WDR27: variants seen among roughly 807,000 people sequenced by gnomAD.
The protein encoded by WDR27 is WD repeat domain 27.
WDR27 carries 100 observed loss-of-function variants against 114.4 expected under a neutral mutation model. The observed-to-expected ratio is 0.87, with a 90% CI of 0.74 to 1.03. The LOEUF (loss-of-function observed/expected upper bound fraction) is 1.03. Ranked by LOEUF, WDR27 falls within the 50% of genes least tolerant of loss-of-function variation. WDR27 has a pLI of 0.00. For synonymous variants in WDR27, 449 were observed against 423.1 expected (o/e 1.06, Z -0.75); for missense variants, 1,129 against 1,092.9 (o/e 1.03, Z -0.47).
chr6:169,635,965 G>T (rs1817580624), intron 19 of WDR27, among the ~76,000 whole-genome samples: 1 of 152,168 alleles, frequency 6.6e-6, no homozygotes, highest in African/African-American at 2.4e-5. Context: ...AACAAAGATA[G>T]TGAAATGTTA....
intron 22 of WDR27, among the ~76,000 whole-genome samples, chr6:169,610,816 T>A (rs1214617888): frequency 6.6e-6 from 1 of 152,168 alleles, no homozygotes; most frequent in Non-Finnish European, 1.5e-5. Context: ...TACCTTATAT[T>A]CTTACTTGTA....
At chr6:169,526,185 T>C (rs891264509) in intron 25 of WDR27, among the ~76,000 whole-genome samples, 1 of 152,088 alleles carries the variant, frequency 6.6e-6, no homozygotes, top group Non-Finnish European at 1.5e-5. Context: ...GTGGCTATAG[T>C]TTACAATAAT....
intron 25 of WDR27, among the ~76,000 whole-genome samples, chr6:169,543,605 G>T (rs1433851703): frequency 3.3e-5 from 5 of 152,012 alleles, no homozygotes; most frequent in African/African-American, 1.2e-4. Flanking sequence ...TGAGATGAAT[G>T]GCATGATTTT....
At chr6:169,623,831 A>G (rs147834735) in intron 21 of WDR27, among the ~76,000 whole-genome samples, 10 of 152,308 alleles carry the variant, frequency 6.6e-5, no homozygotes, top group Admixed American at 1.3e-4. Context: ...ACGGCTACTC[A>G]GTGCCAGCCT....
chr6:169,511,167 T>C (rs556336695), intron 25 of WDR27, among the ~76,000 whole-genome samples: 1 of 152,300 alleles, frequency 6.6e-6, no homozygotes, highest in Admixed American at 6.5e-5. Context: ...CATTTCAAAA[T>C]CCATTTAGCT....
the WDR27 span, among the ~76,000 whole-genome samples, chr6:169,450,594 A>T: frequency 3.1e-4 from 47 of 152,300 alleles, no homozygotes; most frequent in East Asian, 9.1e-3. Context: ...CCCCAGGATG[A>T]CAGAGCTCAC....
intron 25 of WDR27, among the ~76,000 whole-genome samples, chr6:169,461,097 C>A (rs921698225): frequency 6.6e-6 from 1 of 151,786 alleles, no homozygotes; most frequent in Non-Finnish European, 1.5e-5. Flanking sequence ...CATTTACATA[C>A]CTAATAACAG....
chr6:169,615,806 C>T (rs1462379459), intron 21 of WDR27, among the ~76,000 whole-genome samples: 1 of 152,170 alleles, frequency 6.6e-6, no homozygotes, highest in African/African-American at 2.4e-5. Flanking sequence ...TTTAGAGCTT[C>T]TGCACAGCAA....
At chr6:169,522,820 G>C (rs966317828) in intron 25 of WDR27, among the ~76,000 whole-genome samples, 1 of 151,652 alleles carries the variant, frequency 6.6e-6, no homozygotes, top group African/African-American at 2.4e-5. Flanking sequence ...AGTACTAAGA[G>C]GGAAGTTTAT....
intron 23 of WDR27, among the ~76,000 whole-genome samples, chr6:169,597,879 C>CACACACAT (rs1364452271): frequency 1.8e-4 from 3 of 16,900 alleles, no homozygotes; most frequent in Non-Finnish European, 4.8e-4. Flanking sequence ...ACCATTCATA[C>CACACACAT]ACACACACAC....
chr6:169,692,035 G>GT (rs1784629472), intron 1 of WDR27, among the ~76,000 whole-genome samples: 1 of 151,698 alleles, frequency 6.6e-6, no homozygotes, highest in African/African-American at 2.4e-5. Context: ...GCAAAAAACT[G>GT]TGAGTTCCCA....
Position 169,668,108 on chromosome 6 carries a change from G to A in WDR27, c.534C>T (p.His178=), listed in dbSNP as rs778780785. ...RHKVPPPTFL[H]TFSQTQAVRA... is the part of the protein sequence containing the mutation. The stretch of plus-strand genomic sequence containing the variant: ...GAACAGCCTGAGTCTGAGAGAATGT[G>A]TGCAGGAAGGTCGGTGGTGGGACTT... Residue 178 remains histidine, a synonymous_variant, in exon 5 of 26, where the codon CAC becomes CAT. Coordinates refer to ENST00000448612, the MANE Select transcript of WDR27 (RefSeq NM_182552.5). The A allele has an allele frequency of 1.9e-6, 3 of 1,613,934 alleles. No individual in the cohort carries two copies. Among genetic ancestry groups the A allele is most frequent in the African/African-American group, 1.3e-5 (1 of 74,946 alleles).
In WDR27 at chr6:169,636,382, A is replaced by G. The variant is rs1817664000; in HGVS notation, c.1992T>C (p.Asp664=). The G allele has an allele frequency of 6.2e-7, 1 of 1,613,570 alleles. No individual in the cohort carries two copies. Among genetic ancestry groups the G allele is most frequent in the Admixed American group, 1.7e-5 (1 of 59,972 alleles). Residue 664 remains aspartate, a synonymous_variant, in exon 19 of 26, where the codon GAT becomes GAC. Transcript: ENST00000448612. ...LLRYHIDTCK[D]EIKRYKQKSK... ...CGGGGGGTGCCTACCTCTTAATCTC[A>G]TCTTTGCAAGTGTCAATGTGATACC...
intron 25 of WDR27, among the ~76,000 whole-genome samples, chr6:169,509,045 TA>T (rs1792392313): frequency 1.3e-5 from 2 of 152,104 alleles, no homozygotes; most frequent in African/African-American, 4.8e-5. Flanking sequence ...TCAATGAGAA[TA>T]AAATACCTAG....
the WDR27 span, among the ~76,000 whole-genome samples, chr6:169,450,254 G>A: frequency 6.6e-6 from 1 of 152,254 alleles, no homozygotes; most frequent in Admixed American, 6.5e-5. Context: ...CTGGAGAGAG[G>A]AGGCTGCAGC....
the WDR27 span, chr6:169,427,217 C>T: frequency 6.6e-6 from 1 of 152,598 alleles, no homozygotes; most frequent in Admixed American, 6.5e-5. Context: ...CGCTGCAGCA[C>T]TCTCTGGGAG....
Position 169,602,410 on chromosome 6 carries a change from C to T in WDR27, c.2322-89G>A. The T allele has an allele frequency of 1.3e-6, 1 of 798,684 alleles. No homozygotes were observed. The highest frequency in any genetic ancestry group is 2.7e-5 in the East Asian group (1 of 36,702). The allele number at this position is 798,684 out of a possible 1,614,324, so 49.5% of individuals were successfully genotyped here. ...AAGAAAACAACTTGTTGCTTTTCTT[C>T]ACAAAAAGGAACAAAAGAATAATGA... On this transcript the variant is annotated intron_variant, in intron 22 of 25. Transcript: ENST00000448612.
downstream of WDR27, among the ~76,000 whole-genome samples, chr6:169,452,859 A>G (rs1221625597): frequency 2.0e-5 from 3 of 152,252 alleles, no homozygotes; most frequent in Non-Finnish European, 4.4e-5. Context: ...CTTCCTGCCA[A>G]TAGCTTGCTT....
intron 21 of WDR27, among the ~76,000 whole-genome samples, chr6:169,621,485 C>G (rs1813225129): frequency 6.6e-6 from 1 of 151,980 alleles, no homozygotes; most frequent in Admixed American, 6.6e-5. Context: ...CATGTGCATG[C>G]ACACATATAC....
Sources: gnomAD v4.1 joint callset for allele counts (sites outside exome capture counted in the v4.1 genomes callset) on GRCh38, gnomAD v4.1.1 for gene constraint, MANE v1.5 for transcripts, NCBI Gene and HGNC (gene_info 2026-07-23, HGNC 2026-07-21) for gene names.